The following CSPP1 variants were observed in gnomAD, a reference collection of about 807,000 sequenced individuals.
CSPP1 encodes the protein centrosome and spindle pole-associated protein 1.
Under a neutral mutation model 164.4 loss-of-function variants are expected in CSPP1, and 126 were observed. The ratio of observed to expected loss-of-function variants is 0.77; its 90% confidence interval spans 0.66 to 0.89. The LOEUF is 0.89. CSPP1 is among the 40% of genes least tolerant of loss of function. CSPP1 has a pLI of 0.00. For synonymous variants in CSPP1, 472 were observed against 476.7 expected (o/e 0.99, Z 0.13); for missense variants, 1,395 against 1,449.8 (o/e 0.96, Z 0.61).
At chr8:67,167,541 G>A (rs1216945804) in intron 24 of CSPP1, among the ~76,000 whole-genome samples, 2 of 148,484 alleles carry the variant, frequency 1.3e-5, no homozygotes, top group South Asian at 2.1e-4. Context: ...CTTCTCAGAC[G>A]GGGCGGCTGC....
chr8:67,181,338 A>ATT (rs58029238), intron 28 of CSPP1, among the ~76,000 whole-genome samples: 16 of 112,636 alleles, frequency 1.4e-4, no homozygotes, highest in African/African-American at 2.9e-4. Context: ...GTACCTGGCC[A>ATT]TTTTTTTTTT....
At chr8:67,085,516 ATTG>A (rs1266770969) in intron 3 of CSPP1, among the ~76,000 whole-genome samples, 3 of 152,120 alleles carry the variant, frequency 2.0e-5, no homozygotes, top group Admixed American at 6.5e-5. Flanking sequence ...ATGCATTAAA[ATTG>A]TTGTTGGTAT....
intron 15 of CSPP1, among the ~76,000 whole-genome samples, chr8:67,119,428 A>G (rs774923294): frequency 2.6e-5 from 4 of 152,154 alleles, no homozygotes; most frequent in Non-Finnish European, 4.4e-5. Context: ...GCTGGGTCAT[A>G]TGGTAATTCT....
At chr8:67,158,628 C>T (rs1827131300) in intron 20 of CSPP1, 32 bp downstream of exon 20, 4 of 1,541,360 alleles carry the variant, frequency 2.6e-6, no homozygotes, top group East Asian at 4.9e-5. Flanking sequence ...TATTTTACTA[C>T]TTAGTCTGAA....
At chr8:67,140,173 C>T in intron 17 of CSPP1, among the ~76,000 whole-genome samples, 1 of 152,110 alleles carries the variant, frequency 6.6e-6, no homozygotes, top group South Asian at 2.1e-4. Flanking sequence ...CAACCTCTGC[C>T]TCCAGGTTCA....
At chr8:67,076,311 A>G (rs977354978) in intron 2 of CSPP1, among the ~76,000 whole-genome samples, 171 bp from the exon 3 acceptor site, 7 of 152,216 alleles carry the variant, frequency 4.6e-5, no homozygotes, top group African/African-American at 1.4e-4. Flanking sequence ...ATATTAGAAT[A>G]TCTATTATAA....
At chr8:67,085,288 A>C (rs545132351) in intron 3 of CSPP1, among the ~76,000 whole-genome samples, 1 of 152,090 alleles carries the variant, frequency 6.6e-6, no homozygotes, top group African/African-American at 2.4e-5. Context: ...ATTAATATCC[A>C]TTTTTATGAA....
chr8:67,076,447 TC>T (rs781666238), intron 2 of CSPP1, 34 bp from the exon 3 acceptor site: 28 of 1,277,496 alleles, frequency 2.2e-5, no homozygotes, highest in African/African-American at 6.1e-5. Context: ...GTTTTTTTTT[TC>T]CTCTTGCTTT....
chr8:67,169,330 C>A (rs1438267271), intron 24 of CSPP1, among the ~76,000 whole-genome samples: 6 of 152,204 alleles, frequency 3.9e-5, no homozygotes, highest in Non-Finnish European at 8.8e-5. Context: ...TTAGGTACCA[C>A]AGGAATCAGT....
At chr8:67,074,464 A>G (rs1807477125) in intron 2 of CSPP1, 113 bp downstream of exon 2, 1 of 597,208 alleles carries the variant, frequency 1.7e-6, no homozygotes, top group South Asian at 2.8e-5. Flanking sequence ...GTTTTGTAGT[A>G]TGCTGTCATT....
intron 16 of CSPP1, 87 bp from the exon 17 acceptor site, chr8:67,137,369 A>G: frequency 9.3e-7 from 1 of 1,072,034 alleles, no homozygotes; most frequent in Non-Finnish European, 1.2e-6. Flanking sequence ...CTTGTTTTCT[A>G]ATACAAAAAA....
At chr8:67,108,848 T>C (rs777363568) in intron 9 of CSPP1, among the ~76,000 whole-genome samples, 2 of 152,220 alleles carry the variant, frequency 1.3e-5, no homozygotes, top group Non-Finnish European at 2.9e-5. Flanking sequence ...GCCTTTGCTA[T>C]ATAAGAGTGT....
chr8:67,181,338 ATTTT>A (rs58029238), intron 28 of CSPP1, among the ~76,000 whole-genome samples: 6 of 112,658 alleles, frequency 5.3e-5, no homozygotes, highest in African/African-American at 1.6e-4. Flanking sequence ...GTACCTGGCC[ATTTT>A]TTTTTTTTTT....
chr8:67,166,739 T>G (rs1187038895), intron 24 of CSPP1, among the ~76,000 whole-genome samples: 1 of 152,306 alleles, frequency 6.6e-6, no homozygotes, highest in Non-Finnish European at 1.5e-5. Flanking sequence ...TTTTTTTTTT[T>G]TTTAATTGAT....
chr8:67,113,948 G>C (rs1300037215), intron 11 of CSPP1, 86 bp downstream of exon 11: 20 of 732,660 alleles, frequency 2.7e-5, no homozygotes. Context: ...AGAATATTGG[G>C]AGAAAAAGAG....
At chr8:67,136,617 T>C (rs1442654018) in intron 16 of CSPP1, among the ~76,000 whole-genome samples, 1 of 108,592 alleles carries the variant, frequency 9.2e-6, no homozygotes, top group Non-Finnish European at 2.0e-5. Flanking sequence ...CAAAGCACAA[T>C]AAAATTCAGC....
intron 15 of CSPP1, among the ~76,000 whole-genome samples, chr8:67,120,594 T>G (rs1392237834): frequency 6.6e-6 from 1 of 152,172 alleles, no homozygotes; most frequent in African/African-American, 2.4e-5. Flanking sequence ...TTTAGTTAAT[T>G]CTTAAGTATT....
At chr8:67,161,757 A>ATG (rs1388859834) in intron 21 of CSPP1, 54 bp from the exon 22 acceptor site, 4 of 901,646 alleles carry the variant, frequency 4.4e-6, no homozygotes, top group Non-Finnish European at 7.4e-6. Context: ...GTGTGTATAT[A>ATG]TGTGTGTGAG....
chr8:67,134,931 G>A (rs898232536), intron 16 of CSPP1: 2 of 152,138 alleles, frequency 1.3e-5, no homozygotes, highest in Non-Finnish European at 2.9e-5. Context: ...TCAACTTAAA[G>A]TCACCAGCTG....
Sources: gnomAD v4.1 joint callset for allele counts (sites outside exome capture counted in the v4.1 genomes callset) on GRCh38, gnomAD v4.1.1 for gene constraint, MANE v1.5 for transcripts, NCBI Gene and HGNC (gene_info 2026-07-23, HGNC 2026-07-21) for gene names.